Variants in ZNF704 observed in about 807,000 individuals in gnomAD.
ZNF704 encodes glucocorticoid induced gene 1.
ZNF704 carries 10 observed loss-of-function variants against 44.7 expected under a neutral mutation model. The ratio of observed to expected loss-of-function variants is 0.22; its 90% confidence interval spans 0.14 to 0.38. ZNF704 has a LOEUF of 0.38. Among genes scored for constraint, ZNF704 ranks in the 10% least tolerant of loss-of-function variants. The probability of loss-of-function intolerance (pLI) is 1.00; values close to 1 mark genes in which losing one functional copy is unlikely to be tolerated. For synonymous variants in ZNF704, 211 were observed against 207.6 expected (o/e 1.02, Z -0.14); for missense variants, 390 against 545.5 (o/e 0.71, Z 2.84).
chr8:80,837,347 T>C (rs1808600174), intron 1 of ZNF704, among the ~76,000 whole-genome samples: 1 of 152,202 alleles, frequency 6.6e-6, no homozygotes, highest in East Asian at 1.9e-4. Flanking sequence ...ATAAAATTTA[T>C]GGAGAAAATT....
chr8:80,687,576 T>G lies in ZNF704; in HGVS notation c.326-118A>C, dbSNP rs1818561809. 7.2e-6 allele frequency: 5 copies of G among 694,716 alleles called. No individual in the cohort carries two copies. In the South Asian group the frequency reaches 1.0e-4, roughly 15 times the overall value. The allele number at this position is 694,716 out of a possible 1,614,324, so 43.0% of individuals were successfully genotyped here. On this transcript the variant is annotated intron_variant, in intron 3 of 8. Coordinates refer to ENST00000327835, the MANE Select transcript of ZNF704 (RefSeq NM_001033723.3). ...AACCACCCCAGCCCTCTCAATCATC[T>G]GCAACAGCTGGGTATGTAAGTTTTT...
At chr8:80,647,896 G>A (rs1817858052) in intron 7 of ZNF704, among the ~76,000 whole-genome samples, 1 of 152,174 alleles carries the variant, frequency 6.6e-6, no homozygotes. Context: ...CAGCGGTTTT[G>A]TGCTGCTATA....
intron 2 of ZNF704, among the ~76,000 whole-genome samples, chr8:80,785,011 A>G (rs1042753496): frequency 2.0e-5 from 3 of 152,154 alleles, no homozygotes; most frequent in Admixed American, 6.5e-5. Context: ...TTGATACATC[A>G]TTATTAACTA....
chr8:80,870,322 C>T (rs1366922408), intron 1 of ZNF704, among the ~76,000 whole-genome samples: 1 of 152,176 alleles, frequency 6.6e-6, no homozygotes, highest in Non-Finnish European at 1.5e-5. Context: ...AGGCCATAGG[C>T]CTTCCAGCTA....
At chr8:80,782,112 C>A (rs1044022109) in intron 2 of ZNF704, among the ~76,000 whole-genome samples, 20 of 152,284 alleles carry the variant, frequency 1.3e-4, no homozygotes, top group African/African-American at 4.3e-4. Context: ...TCACTGCTGT[C>A]TTCTCTCAGT....
At chr8:80,700,502 C>T (rs1818791935) in intron 2 of ZNF704, among the ~76,000 whole-genome samples, 1 of 152,182 alleles carries the variant, frequency 6.6e-6, no homozygotes, top group Non-Finnish European at 1.5e-5. Flanking sequence ...ATACTAAACA[C>T]TCAAGTTATT....
At chr8:80,718,003 G>C (rs1042214801) in intron 2 of ZNF704, among the ~76,000 whole-genome samples, 1 of 152,140 alleles carries the variant, frequency 6.6e-6, no homozygotes, top group Non-Finnish European at 1.5e-5. Flanking sequence ...AGCATTCAAC[G>C]AATTCTCAAA....
chr8:80,824,191 C>A (rs1019196560), intron 1 of ZNF704, among the ~76,000 whole-genome samples: 10 of 151,898 alleles, frequency 6.6e-5, no homozygotes, highest in African/African-American at 2.4e-4. Flanking sequence ...AAAGATTAGA[C>A]GAACGGCTAA....
At chr8:80,866,406 T>C (rs1809155599) in intron 1 of ZNF704, among the ~76,000 whole-genome samples, 1 of 152,094 alleles carries the variant, frequency 6.6e-6, no homozygotes, top group Admixed American at 6.6e-5. Flanking sequence ...AATAAATATC[T>C]CCTAACAGAG....
intron 2 of ZNF704, among the ~76,000 whole-genome samples, chr8:80,768,085 T>C (rs1253240796): frequency 1.3e-5 from 2 of 151,954 alleles, no homozygotes; most frequent in African/African-American, 4.8e-5. Context: ...AAGCTTTGAG[T>C]GTAGATTATA....
Position 80,782,980 on chromosome 8 carries a change from G to C in ZNF704, c.221+38394C>G, listed in dbSNP as rs1002049973. ...TAGTGGATCTGAGCTGTTGAAAACT[G>C]TGTTGTTCAAGGGCACTGTACTTGG... On this transcript the variant is annotated intron_variant, in intron 2 of 8. Coordinates refer to ENST00000327835, the MANE Select transcript of ZNF704 (RefSeq NM_001033723.3). Among the ~76,000 whole-genome samples the C allele has an allele frequency of 3.9e-5, 6 of 152,300 alleles. No individual in the cohort carries two copies. In the East Asian group the frequency reaches 5.8e-4, roughly 15 times the overall value.
At chr8:80,876,673 G>T (rs570446979), upstream of ZNF704, among the ~76,000 whole-genome samples, 1 of 152,176 alleles carries the variant, frequency 6.6e-6, no homozygotes, top group East Asian at 1.9e-4. Flanking sequence ...GGGGATCATA[G>T]TAGTAAAGTT....
In ZNF704 at chr8:80,689,591, GC is replaced by G. The variant is rs1174567382; in HGVS notation, c.326-2134del. Reference sequence around the variant, plus strand: ...TTAGTGTGAAAAACTCCCTTGGCAGGCCCGGGTGGCTTACAAATATACTGTA... The same window carrying G: ...TTAGTGTGAAAAACTCCCTTGGCAGGCCGGGTGGCTTACAAATATACTGTA... On this transcript the variant is annotated intron_variant, in intron 3 of 8. Coordinates refer to ENST00000327835, the MANE Select transcript of ZNF704 (RefSeq NM_001033723.3). 3.3e-5 allele frequency among the ~76,000 whole-genome samples: 5 copies of G among 152,276 alleles called. No homozygotes were observed. In the East Asian group the frequency reaches 9.6e-4, roughly 29 times the overall value.
upstream of ZNF704, among the ~76,000 whole-genome samples, chr8:80,878,253 A>AAGG (rs1809384006): frequency 4.6e-4 from 65 of 140,158 alleles, no homozygotes; most frequent in South Asian, 2.2e-3. Flanking sequence ...AAAGAGAAAG[A>AAGG]AAGGAAGGAA....
chr8:80,756,828 C>T (rs541682692), intron 2 of ZNF704, among the ~76,000 whole-genome samples: 132 of 152,166 alleles, frequency 8.7e-4, no homozygotes, highest in Non-Finnish European at 1.6e-3. Flanking sequence ...GAAAAAATGG[C>T]GAGCAGGACA....
intron 1 of ZNF704, among the ~76,000 whole-genome samples, chr8:80,835,294 G>C (rs557411670): frequency 6.6e-6 from 1 of 152,256 alleles, no homozygotes; most frequent in East Asian, 1.9e-4. Flanking sequence ...CATATGGTAA[G>C]GACTGTAAAC....
Position 80,824,261 on chromosome 8 carries a change from C to A in ZNF704, c.-21-2646G>T, listed in dbSNP as rs139755125. Among the ~76,000 whole-genome samples the A allele has an allele frequency of 3.7e-3, 570 of 152,148 alleles. 4 individuals carry two copies. The highest frequency in any genetic ancestry group is 0.013 in the African/African-American group (547 of 41,486). On this transcript the variant is annotated intron_variant, in intron 1 of 8. Transcript: ENST00000327835. ...CCTGATGGAGCTGAAAACCATGGCA[C>A]GAGAACTACGTGACGCATGCACAAG...
intron 2 of ZNF704, among the ~76,000 whole-genome samples, chr8:80,753,128 T>C (rs1477853839): frequency 2.6e-5 from 4 of 152,234 alleles, no homozygotes; most frequent in Admixed American, 6.5e-5. Context: ...GCCACTGTTA[T>C]GTGTTTCATT....
intron 2 of ZNF704, among the ~76,000 whole-genome samples, chr8:80,808,644 A>C (rs1808032240): frequency 6.6e-6 from 1 of 152,234 alleles, no homozygotes. Flanking sequence ...TATGCTCCTC[A>C]TGGTCCCTCC....
Sources: allele counts gnomAD v4.1 joint callset (sites outside exome capture counted in the v4.1 genomes callset), GRCh38; gene constraint gnomAD v4.1.1; transcripts MANE v1.5; gene names NCBI Gene and HGNC (gene_info 2026-07-23, HGNC 2026-07-21).